SORD: variants seen among roughly 807,000 people sequenced by gnomAD.
SORD encodes (R,R)-butanediol dehydrogenase.
Under a neutral mutation model 35.6 loss-of-function variants are expected in SORD, and 18 were observed. That is an observed-to-expected ratio of 0.51 (90% CI 0.35 to 0.75). The LOEUF (loss-of-function observed/expected upper bound fraction) is 0.75. Ranked by LOEUF, SORD falls within the 30% of genes least tolerant of loss-of-function variation. SORD has a pLI of 0.01. For missense variants in SORD, 250 were observed against 390.2 expected (o/e 0.64, Z 3.03); for synonymous variants, 106 against 152.9 (o/e 0.69, Z 2.26).
In SORD at chr15:45,065,334, T is replaced by G. The variant is rs771474921; in HGVS notation, c.489T>G (p.His163Gln). 4.3e-6 allele frequency: 7 copies of G among 1,613,838 alleles called. No homozygotes were observed. In the Admixed American group the frequency reaches 6.7e-5, roughly 15 times the overall value. The change falls in exon 5 of 9, where the codon CAT becomes CAG. Residue 163 changes from histidine to glutamine, a missense_variant. His to Gln is a conservative substitution (Grantham distance 24). Around this residue, in one of 8 missense-constraint regions of SORD, gnomAD observed 126 missense variants for 148.7 expected, o/e 0.85. Transcript: ENST00000267814. Reference protein sequence around the residue: ...ALIEPLSVGIHACRRGGVTLG... With the variant: ...ALIEPLSVGIQACRRGGVTLG... ...TCGAGCCACTTTCTGTGGGGATCCA[T>G]GCCTGCAGGAGAGGCGGAGTTACCC...
intron 3 of SORD, 130 bp from the exon 4 acceptor site, chr15:45,060,937 A>T: frequency 6.6e-7 from 1 of 1,526,276 alleles, no homozygotes; most frequent in Non-Finnish European, 8.8e-7. Flanking sequence ...TCTGCCCATG[A>T]GCATGCAAGC....
At chr15:45,053,259 G>A (rs1893158032) in intron 3 of SORD, among the ~76,000 whole-genome samples, 1 of 152,178 alleles carries the variant, frequency 6.6e-6, no homozygotes, top group Non-Finnish European at 1.5e-5. Context: ...CTATCAGACT[G>A]GGTCTGGCCC....
At chr15:45,062,378 C>G (rs1181614022) in intron 4 of SORD, among the ~76,000 whole-genome samples, 1 of 152,244 alleles carries the variant, frequency 6.6e-6, no homozygotes, top group Non-Finnish European at 1.5e-5. Flanking sequence ...GCGTGGCCCC[C>G]CATGGCCCCA....
chr15:45,023,687 G>A (rs111720456), intron 1 of SORD, among the ~76,000 whole-genome samples: 9 of 152,236 alleles, frequency 5.9e-5, no homozygotes, highest in African/African-American at 2.2e-4. Context: ...CTTTCCAAAG[G>A]AAATGCTAAG....
chr15:45,066,602 C>A (rs1893409215), intron 5 of SORD, among the ~76,000 whole-genome samples: 1 of 152,208 alleles, frequency 6.6e-6, no homozygotes, highest in African/African-American at 2.4e-5. Context: ...TGCCTTCTCT[C>A]ATCCCCTGTT....
At chr15:45,051,868 T>G (rs149140522) in intron 3 of SORD, among the ~76,000 whole-genome samples, 4 of 152,346 alleles carry the variant, frequency 2.6e-5, no homozygotes, top group African/African-American at 9.6e-5. Flanking sequence ...TGTTGTGCTT[T>G]TATTTCAATG....
chr15:45,041,113 A>G (rs1040131907), intron 2 of SORD, among the ~76,000 whole-genome samples: 2 of 152,220 alleles, frequency 1.3e-5, no homozygotes, highest in African/African-American at 4.8e-5. Flanking sequence ...GCTGACGCCC[A>G]AGGTGGCATC....
rs764237497 is a variant in SORD, at chr15:45,023,272, C to CA, written c.-8dup. ...CGCCTTCCAGGCCGCACTCCAGAGCCAAAAGAGCTCCATGGCGGCGGCGGC... is the reference window on the plus strand; with the variant it reads ...CGCCTTCCAGGCCGCACTCCAGAGCCAAAAAGAGCTCCATGGCGGCGGCGGC... On this transcript the variant is annotated 5_prime_UTR_variant, in exon 1 of 9. Transcript: ENST00000267814. The CA allele has an allele frequency of 6.4e-7, 1 of 1,574,678 alleles. No individual in the cohort carries two copies. The highest frequency in any genetic ancestry group is 1.2e-5 in the South Asian group (1 of 84,568).
At chr15:45,026,947 C>A (rs879582837) in intron 1 of SORD, among the ~76,000 whole-genome samples, 28,427 of 145,302 alleles carry the variant, frequency 0.2, no homozygotes, top group African/African-American at 0.44. Flanking sequence ...CCTAAGGAGA[C>A]TGCACCATTC....
chr15:45,040,282 T>C (rs1326847144), intron 1 of SORD, 126 bp from the exon 2 acceptor site: 4 of 683,590 alleles, frequency 5.9e-6, no homozygotes, highest in Non-Finnish European at 1.0e-5. Flanking sequence ...CAGTGTGGTC[T>C]GAGCTTGTGT....
intron 1 of SORD, among the ~76,000 whole-genome samples, chr15:45,040,054 G>A (rs1490225921): frequency 6.6e-6 from 1 of 151,952 alleles, no homozygotes; most frequent in East Asian, 1.9e-4. Context: ...CCTTTGGCTT[G>A]TAGGCTGTTT....
chr15:45,044,104 G>T (rs139033626), intron 3 of SORD, among the ~76,000 whole-genome samples: 2,397 of 152,350 alleles, frequency 0.016, 3 homozygotes, highest in Middle Eastern at 0.031. Context: ...CATGGAGAGG[G>T]ATTGACCAGC....
chr15:45,063,919 C>A (rs978118626), intron 4 of SORD, among the ~76,000 whole-genome samples: 3 of 147,440 alleles, frequency 2.0e-5, no homozygotes, highest in South Asian at 2.2e-4. Flanking sequence ...GGAAAGAAGC[C>A]GAGGGGAAGG....
At chr15:45,030,931 C>A (rs1400721781) in intron 1 of SORD, among the ~76,000 whole-genome samples, 1 of 152,256 alleles carries the variant, frequency 6.6e-6, no homozygotes, top group Non-Finnish European at 1.5e-5. Flanking sequence ...CTGACTCCGA[C>A]CAGGAGCCCA....
Position 45,065,365 on chromosome 15 carries a change from C to T in SORD, c.520C>T (p.His174Tyr). ...CAGGAGAGGCGGAGTTACCCTGGGA[C>T]ACAAGGTCCTTGTGTGTGGAGCTGG... is the stretch of plus-strand genomic sequence containing the variant. ...ACRRGGVTLGHKVLVCGAGPI... is the reference protein window; with the variant it reads ...ACRRGGVTLGYKVLVCGAGPI... Residue 174 changes from histidine (H) to tyrosine (Y), a missense_variant, in exon 5 of 9, where the codon CAC (histidine) becomes TAC (tyrosine). His to Tyr is a moderately conservative substitution (Grantham distance 83). This residue lies in a region of SORD where 126 missense variants were observed against 148.7 expected (regional missense o/e 0.85). Transcript: ENST00000267814. 1.2e-6 allele frequency: 2 copies of T among 1,613,388 alleles called. No individual in the cohort carries two copies. The highest frequency in any genetic ancestry group is 1.7e-6 in the Non-Finnish European group (2 of 1,179,664).
chr15:45,039,211 C>T (rs1455569517), intron 1 of SORD, among the ~76,000 whole-genome samples: 1 of 152,094 alleles, frequency 6.6e-6, no homozygotes, highest in Non-Finnish European at 1.5e-5. Context: ...TCACTGCTAC[C>T]TCCATCTCCT....
chr15:45,053,047 C>T (rs1386724736), intron 3 of SORD, among the ~76,000 whole-genome samples: 5 of 152,160 alleles, frequency 3.3e-5, no homozygotes, highest in African/African-American at 1.2e-4. Context: ...CTAAGAGATA[C>T]TGTCTCTTTT....
In SORD at chr15:45,061,265, T is replaced by C. The variant is rs779687393; in HGVS notation, c.425+39T>C. ...GTCCCACTGGGTCACCTGGGACCTC[T>C]TTCCCTTCATTAGCTTGGTGCTGTT... On this transcript the variant is annotated intron_variant, in intron 4 of 8. Coordinates refer to ENST00000267814, the MANE Select transcript of SORD (RefSeq NM_003104.6). The C allele has an allele frequency of 8.7e-6, 14 of 1,601,934 alleles. No homozygotes were observed. In the South Asian group the frequency reaches 1.5e-4, roughly 18 times the overall value.
intron 4 of SORD, among the ~76,000 whole-genome samples, chr15:45,062,981 T>C (rs1345593722): frequency 1.3e-5 from 2 of 148,478 alleles, no homozygotes; most frequent in African/African-American, 2.6e-5. Flanking sequence ...AGCTATGCCA[T>C]AGTCATGGCC....
Sources: allele counts gnomAD v4.1 joint callset (sites outside exome capture counted in the v4.1 genomes callset), GRCh38; gene constraint gnomAD v4.1.1; regional missense constraint gnomAD v4.1.1; transcripts MANE v1.5; gene names NCBI Gene and HGNC (gene_info 2026-07-23, HGNC 2026-07-21).